Variants in CEP164 observed in about 807,000 individuals in gnomAD.
CEP164 encodes centrosomal protein 164.
Under a neutral mutation model 182.7 loss-of-function variants are expected in CEP164, and 162 were observed. That is an observed-to-expected ratio of 0.89 (90% CI 0.78 to 1.01). CEP164 has a LOEUF of 1.01. Among genes scored for constraint, CEP164 ranks in the 50% least tolerant of loss-of-function variants. CEP164 has a pLI of 0.00. For synonymous variants in CEP164, 661 were observed against 690.0 expected, an observed-to-expected ratio of 0.96 and a Z score of 0.66; for missense variants, 1,735 against 1,790.4, an observed-to-expected ratio of 0.97 and a Z score of 0.56.
At chr11:117,397,518 A>G (rs1393462887) in intron 27 of CEP164, among the ~76,000 whole-genome samples, 2 of 152,236 alleles carry the variant, frequency 1.3e-5, no homozygotes, top group African/African-American at 4.8e-5. Context: ...ACCTCATGAT[A>G]ACACTATTAG....
rs574278226 is a variant in CEP164 at position 117,329,490 on chromosome 11, T to TA, written c.-98+1587dup. Among the ~76,000 whole-genome samples, 45 of 152,322 alleles carry TA rather than the reference T, an allele frequency of 3.0e-4. No homozygotes were observed. The Middle Eastern group carries it at 0.014, about 46-fold the overall frequency. ...GGCTTTGGAGTCAGACATGGATACTTACATATTCTGCTCTACCGTTTATTA... is the reference window on the plus strand; with the variant it reads ...GGCTTTGGAGTCAGACATGGATACTTAACATATTCTGCTCTACCGTTTATTA... On this transcript the variant is annotated intron_variant, in intron 1 of 32. Coordinates refer to ENST00000278935, the MANE Select transcript of CEP164 (RefSeq NM_014956.5).
chr11:117,393,578 G>GT (rs1346274220), intron 20 of CEP164, among the ~76,000 whole-genome samples: 4 of 152,190 alleles, frequency 2.6e-5, no homozygotes, highest in Non-Finnish European at 5.9e-5. Context: ...GACTTGGAGA[G>GT]TTTAAGTAGC....
intron 11 of CEP164, among the ~76,000 whole-genome samples, chr11:117,377,608 G>A (rs1171717154): frequency 1.3e-5 from 2 of 152,262 alleles, no homozygotes; most frequent in African/African-American, 2.4e-5. Context: ...CTTCCTGTGC[G>A]CTCTTGCCCA....
At position 117,394,591 on chromosome 11, in the gene CEP164, A is replaced by G. The variant is rs1320194837; in HGVS notation, c.2760+98A>G. The G allele has an allele frequency of 6.8e-7, 1 of 1,470,032 alleles. No homozygotes were observed. Among genetic ancestry groups the G allele is most frequent in the Non-Finnish European group, 9.2e-7 (1 of 1,090,928 alleles). The allele number at this position is 1,470,032 out of a possible 1,614,324, so 91.1% of individuals were successfully genotyped here. On this transcript the variant is annotated intron_variant, in intron 21 of 32. Coordinates refer to ENST00000278935, the MANE Select transcript of CEP164 (RefSeq NM_014956.5). The surrounding 1 kb of genome is among the most constrained non-coding windows in gnomAD (Gnocchi z 4.0). Reference sequence around the variant, plus strand: ...CATGGCCCCAGCAGGATGCAGCCTGACAGCTTCTGGAGTGAGAGTCTCTCA... The same window carrying G: ...CATGGCCCCAGCAGGATGCAGCCTGGCAGCTTCTGGAGTGAGAGTCTCTCA...
At chr11:117,337,708 T>G (rs977895638) in intron 2 of CEP164, among the ~76,000 whole-genome samples, 1 of 152,004 alleles carries the variant, frequency 6.6e-6, no homozygotes, top group African/African-American at 2.4e-5. Context: ...CCTCAGGTGG[T>G]TTTCCTGACA....
rs1453488043 is a variant in CEP164, at chr11:117,410,926, A to ACGTCATAGT, written c.4163+35_4163+43dup. Reference sequence around the variant, plus strand: ...CTCCCTGGGGGCTGGTTGGGGTGGAACGTCATAGTCGAGCTGCTCACTGTG... The same window carrying ACGTCATAGT: ...CTCCCTGGGGGCTGGTTGGGGTGGAACGTCATAGTCGTCATAGTCGAGCTGCTCACTGTG... On this transcript the variant is annotated intron_variant, in intron 31 of 32. Transcript: ENST00000278935. 4.4e-6 allele frequency: 7 copies of ACGTCATAGT among 1,599,792 alleles called. No individual in the cohort carries two copies. In the African/African-American group the frequency reaches 5.3e-5, roughly 12 times the overall value.
chr11:117,400,929 CA>C (rs2046063467), intron 27 of CEP164, among the ~76,000 whole-genome samples: 1 of 152,206 alleles, frequency 6.6e-6, no homozygotes, highest in East Asian at 1.9e-4. Flanking sequence ...ATGTCATCTG[CA>C]AACAGAAACC....
chr11:117,332,852 A>T (rs1184911952), intron 1 of CEP164, among the ~76,000 whole-genome samples: 3 of 152,216 alleles, frequency 2.0e-5, no homozygotes, highest in Non-Finnish European at 4.4e-5. Context: ...ATTTCATCTC[A>T]TCTATTGGTA....
chr11:117,332,066 C>G (rs624555), intron 1 of CEP164, among the ~76,000 whole-genome samples: 1 of 151,252 alleles, frequency 6.6e-6, no homozygotes, highest in East Asian at 1.9e-4. Context: ...CTCAAGTGAT[C>G]CTAGGCCTTG....
At chr11:117,327,402 C>T (rs1378166371), upstream of CEP164, among the ~76,000 whole-genome samples, 1 of 151,478 alleles carries the variant, frequency 6.6e-6, no homozygotes, top group Non-Finnish European at 1.5e-5. Flanking sequence ...AGTATAAATA[C>T]TCTAAATAGT....
intron 1 of CEP164, among the ~76,000 whole-genome samples, chr11:117,332,661 G>A (rs573259919): frequency 1.3e-5 from 2 of 152,330 alleles, no homozygotes; most frequent in South Asian, 4.1e-4. Context: ...GTGCTAAGGT[G>A]GTTCTGGGTT....
Position 117,394,268 on chromosome 11 carries a change from G to A in CEP164, c.2617-82G>A. On this transcript the variant is annotated intron_variant, in intron 20 of 32. Coordinates refer to ENST00000278935, the MANE Select transcript of CEP164 (RefSeq NM_014956.5). This position sits in a 1 kb window ranked among gnomAD's most constrained non-coding sequence, Gnocchi z 4.0. ...GTGTCCCTGATCTTACTGATGCAAG[G>A]CTGCAGGGCTAGGGGAGCTGTGATT... The A allele has an allele frequency of 1.3e-6, 2 of 1,524,892 alleles. No homozygotes were observed. The allele number at this position is 1,524,892 out of a possible 1,614,324, so 94.5% of individuals were successfully genotyped here.
chr11:117,394,863 C>T lies in CEP164; in HGVS notation c.2761-57C>T, dbSNP rs1592385592. 2 of 1,546,434 alleles carry T rather than the reference C, an allele frequency of 1.3e-6. No homozygotes were observed. Among genetic ancestry groups the T allele is most frequent in the African/African-American group, 2.7e-5 (2 of 73,458 alleles). Reference sequence around the variant, plus strand: ...TGGTGGGTTCTGGAACCCCCTCCTGCCCCTCAGCTAATGCCTTACACTCTT... The same window carrying T: ...TGGTGGGTTCTGGAACCCCCTCCTGTCCCTCAGCTAATGCCTTACACTCTT... On this transcript the variant is annotated intron_variant, in intron 21 of 32. Coordinates refer to ENST00000278935, the MANE Select transcript of CEP164 (RefSeq NM_014956.5). The surrounding 1 kb of genome is among the most constrained non-coding windows in gnomAD (Gnocchi z 4.0).
At position 117,412,997 on chromosome 11, in the gene CEP164, T is replaced by C. The variant is rs2047501393; in HGVS notation, c.*829T>C. 3 of 152,268 alleles carry C rather than the reference T, an allele frequency of 2.0e-5. No individual in the cohort carries two copies. The South Asian group carries it at 6.2e-4, about 31-fold the overall frequency. The allele number at this position is 152,268 out of a possible 1,614,324, so 9.4% of individuals were successfully genotyped here. Reference sequence around the variant, plus strand: ...TCCTGGGACACTTTGGGTATATTCATGGGCATTGTTTCCATCTGTCTTTTC... The same window carrying C: ...TCCTGGGACACTTTGGGTATATTCACGGGCATTGTTTCCATCTGTCTTTTC... On this transcript the variant is annotated 3_prime_UTR_variant, in exon 33 of 33. Transcript: ENST00000278935.
chr11:117,350,496 C>G (rs2039489715), intron 4 of CEP164, among the ~76,000 whole-genome samples: 1 of 152,112 alleles, frequency 6.6e-6, no homozygotes, highest in South Asian at 2.1e-4. Context: ...TGCATTTTCC[C>G]AGTGTTTAGT....
chr11:117,351,136 G>A (rs1188005751), intron 4 of CEP164, among the ~76,000 whole-genome samples: 2 of 152,074 alleles, frequency 1.3e-5, no homozygotes, highest in Non-Finnish European at 2.9e-5. Flanking sequence ...AGGTTCAAGC[G>A]ATTCTCCTGC....
Position 117,382,805 on chromosome 11 carries a change from C to T in CEP164, c.1587C>T (p.Ala529=). The T allele has an allele frequency of 1.9e-6, 3 of 1,614,012 alleles. No individual in the cohort carries two copies. The highest frequency in any genetic ancestry group is 2.5e-6 in the Non-Finnish European group (3 of 1,179,970). ...CCTTACTGCTATCAAGGGAGCAGGC[C>T]CCAAGCCCACCTGCTGCCTGTGAGA... is the stretch of plus-strand genomic sequence containing the variant. ...SLQLSLQREQ[A]PSPPAACEKG... The change falls in exon 14 of 33, where the codon GCC becomes GCT. Residue 529 remains alanine (A), a synonymous_variant. Coordinates refer to ENST00000278935, the MANE Select transcript of CEP164 (RefSeq NM_014956.5).
chr11:117,337,721 A>G (rs1464118478), intron 2 of CEP164, among the ~76,000 whole-genome samples: 1 of 152,052 alleles, frequency 6.6e-6, no homozygotes. Flanking sequence ...TCCTGACACC[A>G]GTCTCTCATT....
intron 8 of CEP164, among the ~76,000 whole-genome samples, chr11:117,370,070 A>G (rs1167518518): frequency 6.6e-6 from 1 of 151,980 alleles, no homozygotes; most frequent in Non-Finnish European, 1.5e-5. Flanking sequence ...CTACTAGGCG[A>G]CTCTGCTGGG....
Sources: allele counts gnomAD v4.1 joint callset (sites outside exome capture counted in the v4.1 genomes callset), GRCh38; gene constraint gnomAD v4.1.1; non-coding constraint Gnocchi (gnomAD v3.1); transcripts MANE v1.5; gene names NCBI Gene and HGNC (gene_info 2026-07-23, HGNC 2026-07-21).